TRAF3: variants seen among roughly 807,000 people sequenced by gnomAD.
TRAF3 encodes TNF receptor-associated factor 3.
TRAF3 carries 13 observed loss-of-function variants against 62.3 expected under a neutral mutation model. The ratio of observed to expected loss-of-function variants is 0.21; its 90% CI spans 0.14 to 0.33. The LOEUF is 0.33. Ranked by LOEUF, TRAF3 falls within the 10% of genes least tolerant of loss-of-function variation. The probability of loss-of-function intolerance (pLI) is 1.00; values close to 1 mark genes in which losing one functional copy is unlikely to be tolerated. For synonymous variants in TRAF3, 269 were observed against 283.4 expected (o/e 0.95, Z 0.51); for missense variants, 440 against 741.8 (o/e 0.59, Z 4.73).
At chr14:102,894,090 G>A (rs1889873721) in intron 9 of TRAF3, among the ~76,000 whole-genome samples, 1 of 152,152 alleles carries the variant, frequency 6.6e-6, no homozygotes, top group South Asian at 2.1e-4. Flanking sequence ...ACTTTGGGAG[G>A]CCGAGGCGGG....
chr14:102,868,967 T>C lies in TRAF3; in HGVS notation c.-17-1218T>C, dbSNP rs181977481. ...ACTTGCAGGTGGGAGGCAGCCAGTC[T>C]TAAAGAGTACCTTGTTAGCAAGTGT... On this transcript the variant is annotated intron_variant, in intron 2 of 11. Coordinates refer to ENST00000392745, the MANE Select transcript of TRAF3 (RefSeq NM_145725.3). Among the ~76,000 whole-genome samples the C allele has an allele frequency of 1.2e-4, 18 of 152,310 alleles. 1 individual carries two copies. The highest frequency in any genetic ancestry group is 3.8e-4 in the African/African-American group (16 of 41,564).
chr14:102,878,248 TG>T (rs1214486950), intron 6 of TRAF3, among the ~76,000 whole-genome samples: 1 of 152,226 alleles, frequency 6.6e-6, no homozygotes, highest in Non-Finnish European at 1.5e-5. Context: ...AGCATTGAAA[TG>T]CAGCTGTTTA....
intron 6 of TRAF3, among the ~76,000 whole-genome samples, chr14:102,883,773 A>G (rs923733375): frequency 7.2e-5 from 11 of 152,094 alleles, no homozygotes; most frequent in African/African-American, 1.2e-4. Flanking sequence ...TTCAGTAGCG[A>G]CGGGGTTTCA....
chr14:102,910,316 G>C lies in TRAF3; in HGVS notation c.*4532G>C, dbSNP rs1426409003. On this transcript the variant is annotated 3_prime_UTR_variant, in exon 12 of 12. Transcript: ENST00000392745. ...CTGCAGAAGGAGAGCTAGGGAGAGT[G>C]GGGGAAGCCCCCTTGCTTTTGTATC... is the stretch of plus-strand genomic sequence containing the variant. 1 of 152,288 alleles carries C rather than the reference G, an allele frequency of 6.6e-6. No individual in the cohort carries two copies. Among genetic ancestry groups the C allele is most frequent in the East Asian group, 1.9e-4 (1 of 5,196 alleles). The allele number at this position is 152,288 out of a possible 1,614,324, so 9.4% of individuals were successfully genotyped here. A position where few individuals can be genotyped will look rare whatever the true frequency, so the allele number is the denominator to read the frequency against.
intron 7 of TRAF3, among the ~76,000 whole-genome samples, chr14:102,887,006 G>C (rs1168271768): frequency 1.3e-5 from 2 of 152,244 alleles, no homozygotes; most frequent in East Asian, 3.8e-4. Context: ...AGGGCTGCCA[G>C]AAGGGCCCCT....
chr14:102,798,372 G>A (rs968504943), intron 1 of TRAF3, among the ~76,000 whole-genome samples: 12 of 152,222 alleles, frequency 7.9e-5, no homozygotes, highest in African/African-American at 2.9e-4. Flanking sequence ...AGGTACGGTA[G>A]CTCACACCTG....
At chr14:102,786,661 T>C (rs1013552082) in intron 1 of TRAF3, among the ~76,000 whole-genome samples, 19 of 151,906 alleles carry the variant, frequency 1.3e-4, no homozygotes, top group Admixed American at 1.0e-3. Flanking sequence ...CACTCCACCC[T>C]GGGCAACAAG....
chr14:102,876,285 A>C, intron 5 of TRAF3, 73 bp from the exon 6 acceptor site: 22 of 1,534,132 alleles, frequency 1.4e-5, no homozygotes, highest in Non-Finnish European at 1.9e-5. Flanking sequence ...TTCATTGCAT[A>C]GAGATTAGAA....
chr14:102,891,209 C>A (rs972737583), intron 8 of TRAF3, 116 bp from the exon 9 acceptor site: 7 of 972,008 alleles, frequency 7.2e-6, no homozygotes, highest in Admixed American at 2.0e-5. Context: ...GTTCACTTGA[C>A]GCAAATAGGT....
At chr14:102,893,067 TTTAGAA>T (rs1889812020) in intron 9 of TRAF3, among the ~76,000 whole-genome samples, 2 of 152,182 alleles carry the variant, frequency 1.3e-5, no homozygotes, top group African/African-American at 4.8e-5. Context: ...GTGTTTCTCA[TTTAGAA>T]GGTTCTTCCT....
chr14:102,845,528 T>G (rs1409245748), intron 2 of TRAF3, among the ~76,000 whole-genome samples: 1 of 149,414 alleles, frequency 6.7e-6, no homozygotes, highest in Non-Finnish European at 1.5e-5. Flanking sequence ...ATTTTTTTTT[T>G]TTTTCAAGAC....
rs1890786225 is a variant in TRAF3 at position 102,910,083 on chromosome 14, A to G, written c.*4299A>G. On this transcript the variant is annotated 3_prime_UTR_variant, in exon 12 of 12. Coordinates refer to ENST00000392745, the MANE Select transcript of TRAF3 (RefSeq NM_145725.3). ...TGGCCTGAGGACCGTCACCCTGTGC[A>G]CAGCCCCAGTAGGGTGGCAGTGCCA... The G allele has an allele frequency of 6.6e-6, 1 of 152,174 alleles. No homozygotes were observed. The highest frequency in any genetic ancestry group is 1.5e-5 in the Non-Finnish European group (1 of 68,056). The allele number at this position is 152,174 out of a possible 1,614,324, so 9.4% of individuals were successfully genotyped here.
intron 1 of TRAF3, among the ~76,000 whole-genome samples, chr14:102,801,647 A>G (rs527995544): frequency 1.5e-3 from 232 of 152,092 alleles, no homozygotes; most frequent in Middle Eastern, 3.4e-3. Flanking sequence ...TGATCCGCCC[A>G]TGTCAGCTTC....
At chr14:102,835,675 T>A (rs1219522151) in intron 2 of TRAF3, among the ~76,000 whole-genome samples, 1 of 152,216 alleles carries the variant, frequency 6.6e-6, no homozygotes, top group African/African-American at 2.4e-5. Flanking sequence ...GTACCGAATG[T>A]TCTCACTTAT....
chr14:102,789,423 C>T (rs1897677168), intron 1 of TRAF3, among the ~76,000 whole-genome samples: 1 of 152,064 alleles, frequency 6.6e-6, no homozygotes, highest in African/African-American at 2.4e-5. Flanking sequence ...TAACTTATTC[C>T]CACCAGCAGT....
chr14:102,862,019 C>G lies in TRAF3; in HGVS notation c.-17-8166C>G, dbSNP rs1887707010. ...ATTGTCTTTTCACTTTATTGATAAT[C>G]TCATTTGGTGCTCAAAAGTTTTTCA... is the stretch of plus-strand genomic sequence containing the variant. On this transcript the variant is annotated intron_variant, in intron 2 of 11. Transcript: ENST00000392745. Among the ~76,000 whole-genome samples, 3 of 152,112 alleles carry G rather than the reference C, an allele frequency of 2.0e-5. No individual in the cohort carries two copies. In the South Asian group the frequency reaches 6.2e-4, roughly 32 times the overall value.
chr14:102,883,988 A>C (rs1889219094), intron 6 of TRAF3, among the ~76,000 whole-genome samples: 2 of 152,254 alleles, frequency 1.3e-5, no homozygotes, highest in African/African-American at 4.8e-5. Context: ...TCAGCAGCAG[A>C]TTCAGGGTTT....
chr14:102,878,582 C>G (rs1478720197), intron 6 of TRAF3, among the ~76,000 whole-genome samples: 7 of 152,140 alleles, frequency 4.6e-5, no homozygotes, highest in African/African-American at 1.7e-4. Flanking sequence ...TGGTGAGGCT[C>G]CTCTAGTGGG....
chr14:102,840,558 A>G (rs1566767793), intron 2 of TRAF3, among the ~76,000 whole-genome samples: 4 of 152,242 alleles, frequency 2.6e-5, no homozygotes, highest in Admixed American at 2.0e-4. Flanking sequence ...AGACAGGATC[A>G]GTATTAATGA....
Sources: allele counts gnomAD v4.1 joint callset (sites outside exome capture counted in the v4.1 genomes callset), GRCh38; gene constraint gnomAD v4.1.1; transcripts MANE v1.5; gene names NCBI Gene and HGNC (gene_info 2026-07-23, HGNC 2026-07-21).